YLPM1: variants seen among roughly 807,000 people sequenced by gnomAD.
YLPM1 encodes YLP motif-containing protein 1.
A neutral mutation model predicts 230.0 loss-of-function variants in YLPM1; 99 were observed. The observed-to-expected ratio is 0.43, with a 90% CI of 0.37 to 0.51. The LOEUF (loss-of-function observed/expected upper bound fraction) is 0.51, where lower values mean the gene tolerates loss of function less well. Ranked by LOEUF, YLPM1 falls within the 20% of genes least tolerant of loss-of-function variation. The pLI is 0.00. For synonymous variants in YLPM1, 984 were observed against 942.5 expected (o/e 1.04, Z -0.81); for missense variants, 2,592 against 2,707.7 (o/e 0.96, Z 0.95).
Position 74,809,894 on chromosome 14 carries a change from T to A in YLPM1, c.4940-16T>A. Reference sequence around the variant, plus strand: ...CTTCACTCTTACAGTACTTTATCTCTGATTTTGTTTACCAGATATATCCAC... The same window carrying A: ...CTTCACTCTTACAGTACTTTATCTCAGATTTTGTTTACCAGATATATCCAC... On this transcript the variant is annotated splice_polypyrimidine_tract_variant and intron_variant, in intron 7 of 20. Transcript: ENST00000325680. The A allele has an allele frequency of 1.2e-6, 2 of 1,604,528 alleles. No individual in the cohort carries two copies. Among genetic ancestry groups the A allele is most frequent in the Non-Finnish European group, 1.7e-6 (2 of 1,175,686 alleles).
intron 11 of YLPM1, among the ~76,000 whole-genome samples, chr14:74,814,008 A>G (rs2091456605): frequency 6.6e-6 from 1 of 152,236 alleles, no homozygotes; most frequent in African/African-American, 2.4e-5. Context: ...AGACATGGCA[A>G]GAGTGGACAT....
At chr14:74,828,278 A>G (rs766849236) in intron 18 of YLPM1, among the ~76,000 whole-genome samples, 7 of 152,122 alleles carry the variant, frequency 4.6e-5, no homozygotes, top group Non-Finnish European at 1.0e-4. Flanking sequence ...GCTTTTCTTC[A>G]TTGGCCTGCC....
At chr14:74,765,761 G>A (rs1201484227) in intron 1 of YLPM1, among the ~76,000 whole-genome samples, 1 of 152,138 alleles carries the variant, frequency 6.6e-6, no homozygotes, top group African/African-American at 2.4e-5. Context: ...TGTCAGATCA[G>A]GCCTTAATAT....
rs1314251799 is a variant in YLPM1, at chr14:74,799,183, C to G, written c.3886C>G (p.Pro1296Ala). 6.2e-7 allele frequency: 1 copy of G among 1,613,804 alleles called. No homozygotes were observed. The highest frequency in any genetic ancestry group is 8.5e-7 in the Non-Finnish European group (1 of 1,179,846). Residue 1296 changes from proline to alanine, a missense_variant, in exon 5 of 21, where the codon CCT becomes GCT. This residue lies in a region of YLPM1 where 1,862 missense variants were observed against 1,819.8 expected (regional missense o/e 1.02). Coordinates refer to ENST00000325680, the MANE Select transcript of YLPM1 (RefSeq NM_019589.3). ...CAGGGATGTGGATCGGATTTCAAGA[C>G]CTATGGATATGTATGATAGAAGTTT... Reference protein sequence around the residue: ...MDRDVDRISRPMDMYDRSLDN... With the variant: ...MDRDVDRISRAMDMYDRSLDN...
In YLPM1 at chr14:74,764,075, C is replaced by A; in HGVS notation, c.586C>A (p.Pro196Thr). 1.2e-6 allele frequency: 2 copies of A among 1,613,432 alleles called. No individual in the cohort carries two copies. Among genetic ancestry groups the A allele is most frequent in the Non-Finnish European group, 1.7e-6 (2 of 1,179,784 alleles). Residue 196 changes from proline to threonine, a missense_variant, in exon 1 of 21, where the codon CCT (proline) becomes ACT (threonine). Physicochemically the swap from Pro to Thr is conservative, Grantham distance 38 (BLOSUM62 -1). Coordinates refer to ENST00000325680, the MANE Select transcript of YLPM1 (RefSeq NM_019589.3). The stretch of plus-strand genomic sequence containing the variant: ...TCAGCCGTCCCCTTCGCAGTCCCCA[C>A]CTTCCCAATCCTACCTGGCGCCCAC... Reference protein sequence around the residue: ...PAQPSPSQSPPSQSYLAPTPS... With the variant: ...PAQPSPSQSPTSQSYLAPTPS...
chr14:74,787,147 T>G (rs905619464), intron 4 of YLPM1, among the ~76,000 whole-genome samples: 1 of 152,054 alleles, frequency 6.6e-6, no homozygotes, highest in African/African-American at 2.4e-5. Flanking sequence ...TTTGACTAGG[T>G]TTTATGTCTT....
chr14:74,770,646 G>T (rs2090969895), intron 1 of YLPM1, among the ~76,000 whole-genome samples: 1 of 151,852 alleles, frequency 6.6e-6, no homozygotes, highest in African/African-American at 2.4e-5. Flanking sequence ...AAGAAAAAGA[G>T]TAGAAATTAA....
Position 74,799,276 on chromosome 14 carries a change from G to T in YLPM1, c.3979G>T (p.Asp1327Tyr). 1 of 1,613,990 alleles carries T rather than the reference G, an allele frequency of 6.2e-7. No individual in the cohort carries two copies. Among genetic ancestry groups the T allele is most frequent in the South Asian group, 1.1e-5 (1 of 91,080 alleles). Residue 1327 changes from aspartate (D) to tyrosine (Y), a missense_variant, in exon 5 of 21, where the codon GAT becomes TAT. By Grantham distance (160) the Asp-to-Tyr change is radical. Around this residue, in one of 4 missense-constraint regions of YLPM1, gnomAD observed 1,862 missense variants for 1,819.8 expected, o/e 1.02. Coordinates refer to ENST00000325680, the MANE Select transcript of YLPM1 (RefSeq NM_019589.3). Reference protein sequence around the residue: ...DEQESQFRERDIPSLPPLPPL... With the variant: ...DEQESQFRERYIPSLPPLPPL... ...ACAAGAATCACAGTTTCGTGAACGG[G>T]ATATTCCATCTCTTCCACCTTTACC... is the stretch of plus-strand genomic sequence containing the variant.
intron 1 of YLPM1, among the ~76,000 whole-genome samples, chr14:74,772,650 C>T (rs142158795): frequency 2.0e-4 from 31 of 152,322 alleles, no homozygotes; most frequent in African/African-American, 6.0e-4. Context: ...AGCCACCGCA[C>T]CCAGCCAATA....
chr14:74,829,475 C>T (rs1366440643), intron 19 of YLPM1, 132 bp downstream of exon 19: 1 of 1,262,300 alleles, frequency 7.9e-7, no homozygotes, highest in African/African-American at 1.5e-5. Flanking sequence ...TCATGTATCC[C>T]AAGAAGGAGT....
intron 4 of YLPM1, among the ~76,000 whole-genome samples, chr14:74,786,607 T>C (rs907318074): frequency 5.9e-5 from 9 of 152,214 alleles, no homozygotes; most frequent in Non-Finnish European, 1.0e-4. Flanking sequence ...GAGTCATCCA[T>C]GTTGTGTGTA....
At chr14:74,818,055 C>CA (rs199631116) in intron 15 of YLPM1, among the ~76,000 whole-genome samples, 176 bp from the exon 16 acceptor site, 23,950 of 134,034 alleles carry the variant, frequency 0.18, 1,991 homozygotes, top group South Asian at 0.35. Context: ...GATTCTGTCT[C>CA]AAAAAAAAAA....
chr14:74,824,272 G>A lies in YLPM1; in HGVS notation c.6128G>A (p.Ser2043Asn). ...EESELGYIPK[S>N]KWEMDTSEAK... Reference sequence around the variant, plus strand: ...ACGATTTAGGGTTACATTCCGAAAAGCAAATGGGAGATGGACACATCTGAG... The same window carrying A: ...ACGATTTAGGGTTACATTCCGAAAAACAAATGGGAGATGGACACATCTGAG... The change falls in exon 18 of 21, where the codon AGC becomes AAC. Residue 2043 changes from serine (S) to asparagine (N), a missense_variant. Coordinates refer to ENST00000325680, the MANE Select transcript of YLPM1 (RefSeq NM_019589.3). The A allele has an allele frequency of 1.2e-6, 2 of 1,612,286 alleles. No individual in the cohort carries two copies. Among genetic ancestry groups the A allele is most frequent in the African/African-American group, 1.3e-5 (1 of 74,954 alleles).
At chr14:74,773,986 A>C (rs2091006716) in intron 1 of YLPM1, among the ~76,000 whole-genome samples, 1 of 151,760 alleles carries the variant, frequency 6.6e-6, no homozygotes, top group Admixed American at 6.6e-5. Context: ...CTCCCAAAGT[A>C]CTGGGATTAC....
At chr14:74,766,320 A>G (rs1196643877) in intron 1 of YLPM1, among the ~76,000 whole-genome samples, 1 of 152,178 alleles carries the variant, frequency 6.6e-6, no homozygotes, top group Non-Finnish European at 1.5e-5. Flanking sequence ...TTTGATTCAT[A>G]TTTTGTTTTT....
At chr14:74,832,737 T>C (rs1227004452) in intron 19 of YLPM1, among the ~76,000 whole-genome samples, 1 of 152,202 alleles carries the variant, frequency 6.6e-6, no homozygotes, top group African/African-American at 2.4e-5. Flanking sequence ...CCTCCCAAAG[T>C]GCTGGGATTA....
intron 4 of YLPM1, among the ~76,000 whole-genome samples, chr14:74,794,657 C>T (rs756013234): frequency 2.0e-5 from 3 of 151,988 alleles, no homozygotes; most frequent in Non-Finnish European, 4.4e-5. Flanking sequence ...ATTCACACTC[C>T]CTCTTTCATG....
chr14:74,763,488 A>G lies in YLPM1; in HGVS notation c.-2A>G. On this transcript the variant is annotated 5_prime_UTR_variant, in exon 1 of 21. Transcript: ENST00000325680. ...GACGAGCCCTGCGCCTTCTTTTTCG[A>G]TATGTACCCGAATTGGGGCCGGTAT... 6.8e-7 allele frequency: 1 copy of G among 1,461,424 alleles called. No individual in the cohort carries two copies. The highest frequency in any genetic ancestry group is 9.1e-7 in the Non-Finnish European group (1 of 1,102,776). 90.5% of individuals were successfully genotyped at this position (1,461,424 alleles called of 1,614,324 possible).
At chr14:74,796,584 G>A (rs2091263262) in intron 4 of YLPM1, among the ~76,000 whole-genome samples, 1 of 152,048 alleles carries the variant, frequency 6.6e-6, no homozygotes, top group African/African-American at 2.4e-5. Flanking sequence ...CTCTTTGAGG[G>A]CACATATGAC....
Sources: allele counts gnomAD v4.1 joint callset (sites outside exome capture counted in the v4.1 genomes callset), GRCh38; gene constraint gnomAD v4.1.1; regional missense constraint gnomAD v4.1.1; transcripts MANE v1.5; gene names NCBI Gene and HGNC (gene_info 2026-07-23, HGNC 2026-07-21).